SOAT2: variants seen among roughly 807,000 people sequenced by gnomAD.
SOAT2 encodes the protein sterol O-acyltransferase 2.
A neutral mutation model predicts 76.0 loss-of-function variants in SOAT2; 87 were observed. That is an observed-to-expected ratio of 1.14 (90% CI 0.96 to 1.37). SOAT2 has a LOEUF of 1.37. Among genes scored for constraint, SOAT2 ranks in the 40% most tolerant of loss-of-function variants. The probability of loss-of-function intolerance (pLI) is 0.00; values close to 1 mark genes in which losing one functional copy is unlikely to be tolerated. For synonymous variants in SOAT2, 285 were observed against 275.4 expected (o/e 1.03, Z -0.34); for missense variants, 686 against 682.1 (o/e 1.01, Z -0.06).
chr12:53,114,391 C>T (rs1047062309), intron 5 of SOAT2, among the ~76,000 whole-genome samples: 6 of 151,868 alleles, frequency 4.0e-5, no homozygotes, highest in Non-Finnish European at 8.8e-5. Flanking sequence ...CCTTCTTGAC[C>T]GCCTCCTTCA....
chr12:53,105,445 C>A, intron 3 of SOAT2, 116 bp from the exon 4 acceptor site: 3 of 1,250,514 alleles, frequency 2.4e-6, no homozygotes, highest in South Asian at 1.4e-5. Flanking sequence ...TGCCCTCTGG[C>A]CCTAGCCCTG....
chr12:53,105,191 T>C lies in SOAT2; in HGVS notation c.223T>C (p.Tyr75His). 6.3e-7 allele frequency: 1 copy of C among 1,599,560 alleles called. No homozygotes were observed. The highest frequency in any genetic ancestry group is 1.7e-5 in the Admixed American group (1 of 58,204). ...GGCCATGCGGGAGGCTATACAATCC[T>C]ACCCATCACAAGACAAACCTCTGCC... The part of the protein sequence containing the change: ...DRAMREAIQS[Y>H]PSQDKPLPPP... The change falls in exon 3 of 15, where the codon TAC (tyrosine) becomes CAC (histidine). Residue 75 changes from tyrosine (Y) to histidine (H), a missense_variant. Physicochemically the swap from Tyr to His is moderately conservative, Grantham distance 83. Coordinates refer to ENST00000301466, the MANE Select transcript of SOAT2 (RefSeq NM_003578.4).
At chr12:53,112,941 G>A (rs1243204401) in intron 5 of SOAT2, among the ~76,000 whole-genome samples, 8 of 151,620 alleles carry the variant, frequency 5.3e-5, no homozygotes, top group Admixed American at 5.3e-4. Flanking sequence ...CACCACACCT[G>A]GCTAATTTTT....
chr12:53,115,339 G>T, intron 5 of SOAT2, 51 bp from the exon 6 acceptor site: 3 of 1,526,662 alleles, frequency 2.0e-6, no homozygotes, highest in Non-Finnish European at 2.6e-6. Context: ...AGAGGAAGGG[G>T]ACAAGAATGG....
chr12:53,104,282 A>G (rs1456110954), intron 2 of SOAT2, 76 bp downstream of exon 2: 1 of 1,074,544 alleles, frequency 9.3e-7, no homozygotes, highest in Non-Finnish European at 1.4e-6. Context: ...CTTGGTGATA[A>G]AGATGACTTT....
chr12:53,115,646 T>C lies in SOAT2; in HGVS notation c.700T>C (p.Phe234Leu). ...LPPASRCVLVFEQVRFLMKSY... is the reference protein window; with the variant it reads ...LPPASRCVLVLEQVRFLMKSY... ...GCCGGCCTCCCGTTGTGTCCTGGTC[T>C]TCGAGCAGGTGAGGGCCGAGCCCTG... is the stretch of plus-strand genomic sequence containing the variant. The change falls in exon 6 of 15, where the codon TTC becomes CTC. Residue 234 changes from phenylalanine to leucine, a missense_variant. Transcript: ENST00000301466. 6.5e-7 allele frequency: 1 copy of C among 1,535,318 alleles called. No individual in the cohort carries two copies. The highest frequency in any genetic ancestry group is 8.7e-7 in the Non-Finnish European group (1 of 1,146,600).
chr12:53,104,251 T>C (rs766323382), intron 2 of SOAT2, 45 bp downstream of exon 2: 1 of 1,448,932 alleles, frequency 6.9e-7, no homozygotes, highest in Non-Finnish European at 9.7e-7. Flanking sequence ...AGATCCTTGG[T>C]AGCAGGAAGC....
rs968848622 is a variant in SOAT2 at position 53,103,510 on chromosome 12, C to T, written c.-68C>T. 1 of 1,378,604 alleles carries T rather than the reference C, an allele frequency of 7.3e-7. No homozygotes were observed. The allele number at this position is 1,378,604 out of a possible 1,614,324, so 85.4% of individuals were successfully genotyped here. A position where few individuals can be genotyped will look rare whatever the true frequency, so the allele number is the denominator to read the frequency against. ...TGAGTGGGACAAGAGCTCTACAGGGCAGGCCACACTGCGAAGGAAGGAGGC... is the reference window on the plus strand; with the variant it reads ...TGAGTGGGACAAGAGCTCTACAGGGTAGGCCACACTGCGAAGGAAGGAGGC... On this transcript the variant is annotated 5_prime_UTR_variant, in exon 1 of 15. Coordinates refer to ENST00000301466, the MANE Select transcript of SOAT2 (RefSeq NM_003578.4).
chr12:53,123,004 C>T lies in SOAT2; in HGVS notation c.1237-77C>T, dbSNP rs567093307. 1.9e-4 allele frequency: 270 copies of T among 1,428,474 alleles called. 1 individual carries two copies. Among genetic ancestry groups the T allele is most frequent in the Non-Finnish European group, 1.1e-4 (120 of 1,083,520 alleles). The allele number at this position is 1,428,474 out of a possible 1,614,324, so 88.5% of individuals were successfully genotyped here. ...CTGCCGGACTGGGCGGCTGGCCGGG[C>T]GGGGGGCTGGAGGTGGGGGCTCTTT... On this transcript the variant is annotated intron_variant, in intron 12 of 14. Coordinates refer to ENST00000301466, the MANE Select transcript of SOAT2 (RefSeq NM_003578.4).
chr12:53,103,913 C>G (rs1193946497), intron 1 of SOAT2, among the ~76,000 whole-genome samples: 2 of 152,194 alleles, frequency 1.3e-5, no homozygotes, highest in African/African-American at 4.8e-5. Context: ...AGTAGCTTCC[C>G]ATTCCCTGAG....
chr12:53,104,280 T>A, intron 2 of SOAT2, 74 bp downstream of exon 2: 2 of 937,954 alleles, frequency 2.1e-6, no homozygotes, highest in Non-Finnish European at 3.3e-6. Context: ...GGCTTGGTGA[T>A]AAAGATGACT....
rs35335316 is a variant in SOAT2 at position 53,123,209 on chromosome 12, C to T, written c.1365C>T (p.Val455=). 5.6e-3 allele frequency: 8,963 copies of T among 1,613,904 alleles called. 49 individuals carry two copies. The highest frequency in any genetic ancestry group is 7.8e-3 in the Middle Eastern group (47 of 6,062). ...CCGTCATGCTGATACTCTTCCTTGT[C>T]ATTGGAGGTGAGCTGGTCTCTGTGC... ...FYPVMLILFL[V]IGGMLNFMMH... Residue 455 remains valine, a synonymous_variant, in exon 13 of 15, where the codon GTC becomes GTT. Coordinates refer to ENST00000301466, the MANE Select transcript of SOAT2 (RefSeq NM_003578.4).
chr12:53,116,675 G>A (rs182541622), intron 7 of SOAT2, among the ~76,000 whole-genome samples: 6 of 152,218 alleles, frequency 3.9e-5, no homozygotes, highest in African/African-American at 1.2e-4. Flanking sequence ...ACCAGCCTGA[G>A]CAACGTAGTG....
At position 53,119,123 on chromosome 12, in the gene SOAT2, G is replaced by A. The variant is rs887921247; in HGVS notation, c.910-1G>A. The stretch of plus-strand genomic sequence containing the variant: ...GTTATGTGTCCCCATGCCCCCTCCA[G>A]GCCCTGGGATGTGTGCTCTATGCCT... On this transcript the variant is annotated splice_acceptor_variant, in intron 9 of 14. Coordinates refer to ENST00000301466, the MANE Select transcript of SOAT2 (RefSeq NM_003578.4). LOFTEE classifies it high-confidence loss of function. 4 of 1,613,958 alleles carry A rather than the reference G, an allele frequency of 2.5e-6. No homozygotes were observed. In the South Asian group the frequency reaches 4.4e-5, roughly 18 times the overall value.
intron 13 of SOAT2, 109 bp from the exon 14 acceptor site, chr12:53,123,619 C>G (rs1429767801): frequency 1.5e-6 from 2 of 1,328,678 alleles, no homozygotes; most frequent in Non-Finnish European, 2.1e-6. Context: ...AAGATCTTCT[C>G]CAATGGGGCC....
intron 12 of SOAT2, among the ~76,000 whole-genome samples, 198 bp downstream of exon 12, chr12:53,121,599 C>A (rs1938190508): frequency 6.6e-6 from 1 of 152,080 alleles, no homozygotes; most frequent in African/African-American, 2.4e-5. Context: ...AACTTTCTTC[C>A]ATCTTTATCC....
intron 5 of SOAT2, among the ~76,000 whole-genome samples, chr12:53,106,943 C>A (rs1322383398): frequency 6.6e-6 from 1 of 152,022 alleles, no homozygotes. Context: ...TTTCTTCAGA[C>A]CCCCAGCAAA....
chr12:53,115,422 G>C lies in SOAT2; in HGVS notation c.476G>C (p.Ser159Thr). 4 of 1,611,160 alleles carry C rather than the reference G, an allele frequency of 2.5e-6. No homozygotes were observed. Among genetic ancestry groups the C allele is most frequent in the Non-Finnish European group, 3.4e-6 (4 of 1,179,060 alleles). The change falls in exon 6 of 15, where the codon AGC (serine) becomes ACC (threonine). Residue 159 changes from serine to threonine, a missense_variant. Ser to Thr is a moderately conservative substitution (Grantham distance 58). Transcript: ENST00000301466. ...CTGGAGTTTGACCTACTGATCTTCAGCTTCGGACAGCTGCCATTGGCGCTG... is the reference window on the plus strand; with the variant it reads ...CTGGAGTTTGACCTACTGATCTTCACCTTCGGACAGCTGCCATTGGCGCTG... ...LLLEFDLLIF[S>T]FGQLPLALVT...
chr12:53,104,057 T>C, intron 1 of SOAT2, 94 bp from the exon 2 acceptor site: 1 of 1,049,936 alleles, frequency 9.5e-7, no homozygotes, highest in Non-Finnish European at 1.5e-6. Context: ...GGGCAGCTGC[T>C]GAGCACACAA....
Sources: gnomAD v4.1 joint callset for allele counts (sites outside exome capture counted in the v4.1 genomes callset) on GRCh38, gnomAD v4.1.1 for gene constraint, MANE v1.5 for transcripts, NCBI Gene and HGNC (gene_info 2026-07-23, HGNC 2026-07-21) for gene names.